Variants in SAMMSON observed in about 807,000 individuals in gnomAD.
SAMMSON encodes long intergenic non-protein coding RNA 1212.
At chr3:70,140,032 A>G (rs565498004) in intron 4 of SAMMSON, among the ~76,000 whole-genome samples, 1 of 152,118 alleles carries the variant, frequency 6.6e-6, no homozygotes, top group East Asian at 1.9e-4. Context: ...TTCCCTTTTC[A>G]TTAATAATTA....
chr3:70,365,975 T>A (rs1240832612), intron 9 of SAMMSON, among the ~76,000 whole-genome samples: 195 of 17,536 alleles, frequency 0.011, 1 homozygote, highest in Middle Eastern at 0.031. Context: ...CTTTTCTTTT[T>A]TTTTTTTTTT....
chr3:70,178,785 G>A (rs1296139332), intron 4 of SAMMSON, among the ~76,000 whole-genome samples: 2 of 152,186 alleles, frequency 1.3e-5, no homozygotes, highest in Non-Finnish European at 2.9e-5. Context: ...AAGGGGGAAG[G>A]AGCACTTGAA....
chr3:70,241,950 T>C (rs754986325), intron 4 of SAMMSON, among the ~76,000 whole-genome samples: 5 of 152,150 alleles, frequency 3.3e-5, no homozygotes, highest in Admixed American at 6.5e-5. Flanking sequence ...TATAATAACA[T>C]TTGTTTAGGC....
intron 8 of SAMMSON, among the ~76,000 whole-genome samples, chr3:70,356,786 A>T (rs888870583): frequency 6.6e-6 from 1 of 152,014 alleles, no homozygotes; most frequent in Admixed American, 6.6e-5. Context: ...CTCTCTTTCT[A>T]ATTTGCTGTG....
chr3:70,185,856 A>C (rs1454174093), intron 4 of SAMMSON, among the ~76,000 whole-genome samples: 1 of 151,516 alleles, frequency 6.6e-6, no homozygotes, highest in Non-Finnish European at 1.5e-5. Flanking sequence ...GTGTACCTGT[A>C]GTCCCAACTA....
intron 4 of SAMMSON, among the ~76,000 whole-genome samples, chr3:70,158,817 C>T (rs2067602589): frequency 6.6e-6 from 1 of 151,986 alleles, no homozygotes; most frequent in Non-Finnish European, 1.5e-5. Context: ...GAAAACCTTG[C>T]TATTCTAATA....
intron 4 of SAMMSON, among the ~76,000 whole-genome samples, chr3:70,086,752 A>T (rs1018445447): frequency 5.3e-5 from 8 of 152,294 alleles, no homozygotes; most frequent in African/African-American, 1.9e-4. Flanking sequence ...TTTGCATGTA[A>T]TGAGTTCTCA....
rs534764125 is a variant in SAMMSON at position 70,098,492 on chromosome 3, C to T, written n.507+26927C>T. On this transcript the variant is annotated intron_variant and non_coding_transcript_variant, in intron 4 of 9. Coordinates refer to ENST00000642114, the Ensembl canonical transcript of SAMMSON. ...AAGCAATTCTCCTGCTTCAGCCTCC[C>T]GAGTAGTTGGGAGTATAGGTGCCTG... Among the ~76,000 whole-genome samples the T allele has an allele frequency of 1.5e-4, 23 of 152,098 alleles. No homozygotes were observed. The East Asian group carries it at 4.1e-3, about 27-fold the overall frequency.
chr3:70,198,401 T>C (rs1301233376), intron 4 of SAMMSON, among the ~76,000 whole-genome samples: 1 of 152,204 alleles, frequency 6.6e-6, no homozygotes, highest in Non-Finnish European at 1.5e-5. Flanking sequence ...TTTACTTTTA[T>C]TTTCCAGAAA....
At chr3:70,362,092 T>C (rs143459381) in intron 9 of SAMMSON, among the ~76,000 whole-genome samples, 68 of 152,246 alleles carry the variant, frequency 4.5e-4, no homozygotes, top group South Asian at 1.0e-3. Flanking sequence ...TAAATGCCTG[T>C]AAAGTGTGGT....
intron 2 of SAMMSON, among the ~76,000 whole-genome samples, chr3:70,434,122 C>CT (rs1291778294): frequency 6.6e-6 from 1 of 152,108 alleles, no homozygotes; most frequent in Non-Finnish European, 1.5e-5. Flanking sequence ...GTCTATTGGC[C>CT]TTTCCATGTA....
At chr3:70,061,875 C>G (rs570624362) in intron 3 of SAMMSON, among the ~76,000 whole-genome samples, 58 of 152,190 alleles carry the variant, frequency 3.8e-4, no homozygotes, top group Admixed American at 1.3e-3. Context: ...TCTGCCATCT[C>G]CCAAGTTCTT....
In SAMMSON at chr3:70,240,962, C is replaced by T. The variant is rs1020014702; in HGVS notation, n.508-8145C>T. On this transcript the variant is annotated intron_variant and non_coding_transcript_variant, in intron 4 of 9. Coordinates refer to ENST00000642114, the Ensembl canonical transcript of SAMMSON. ...TTTGATAAATGAGCCAAGTTAATAGCTTACTAGCTCATCTTGGCCTTTCAC... is the reference window on the plus strand; with the variant it reads ...TTTGATAAATGAGCCAAGTTAATAGTTTACTAGCTCATCTTGGCCTTTCAC... Among the ~76,000 whole-genome samples, 3 of 152,134 alleles carry T rather than the reference C, an allele frequency of 2.0e-5. No homozygotes were observed. The East Asian group carries it at 5.8e-4, about 29-fold the overall frequency.
chr3:70,336,622 A>G (rs146418566), intron 7 of SAMMSON, among the ~76,000 whole-genome samples: 1 of 152,044 alleles, frequency 6.6e-6, no homozygotes, highest in East Asian at 1.9e-4. Context: ...TTTTCTCTTC[A>G]TTAGTCTTGT....
intron 9 of SAMMSON, among the ~76,000 whole-genome samples, chr3:70,375,083 G>T (rs1246228970): frequency 6.6e-6 from 1 of 152,116 alleles, no homozygotes; most frequent in Non-Finnish European, 1.5e-5. Context: ...TAGCTGTAGT[G>T]CATGAGAAGA....
At chr3:70,416,341 C>T (rs539762820) in intron 2 of SAMMSON, among the ~76,000 whole-genome samples, 1 of 152,072 alleles carries the variant, frequency 6.6e-6, no homozygotes, top group East Asian at 1.9e-4. Context: ...AATTTATATG[C>T]CAATGATGTT....
At chr3:70,050,659 A>C (rs2067142641) in intron 3 of SAMMSON, among the ~76,000 whole-genome samples, 1 of 152,144 alleles carries the variant, frequency 6.6e-6, no homozygotes, top group African/African-American at 2.4e-5. Flanking sequence ...CAGATTTGCT[A>C]TGGATCTGTC....
intron 4 of SAMMSON, among the ~76,000 whole-genome samples, chr3:70,180,415 C>T (rs1351657254): frequency 1.3e-5 from 2 of 151,838 alleles, no homozygotes; most frequent in Non-Finnish European, 2.9e-5. Context: ...GTATATACTA[C>T]CTACATATAT....
chr3:70,336,742 T>A (rs970152937), intron 7 of SAMMSON, among the ~76,000 whole-genome samples: 1 of 151,722 alleles, frequency 6.6e-6, no homozygotes, highest in Non-Finnish European at 1.5e-5. Context: ...CCATACTTAA[T>A]GTATCCTCTC....
Sources: allele counts gnomAD v4.1 joint callset (sites outside exome capture counted in the v4.1 genomes callset), GRCh38; gene constraint gnomAD v4.1.1; transcripts MANE v1.5; gene names NCBI Gene and HGNC (gene_info 2026-07-23, HGNC 2026-07-21).